The following NUMB variants were observed in gnomAD, a reference collection of about 807,000 sequenced individuals.
NUMB encodes the protein protein numb homolog.
Under a neutral mutation model 59.7 loss-of-function variants are expected in NUMB, and 29 were observed. That is an observed-to-expected ratio of 0.49 (90% CI 0.36 to 0.66). The LOEUF is 0.66. Among genes scored for constraint, NUMB ranks in the 30% least tolerant of loss-of-function variants. The pLI, the probability that NUMB is intolerant of heterozygous loss-of-function variation, is 0.00. For missense variants in NUMB, 723 were observed against 822.0 expected (o/e 0.88, Z 1.47); for synonymous variants, 288 against 288.2 (o/e 1.00, Z 0.01).
At chr14:73,435,207 C>T in intron 1 of NUMB, among the ~76,000 whole-genome samples, 1 of 151,390 alleles carries the variant, frequency 6.6e-6, no homozygotes, top group South Asian at 2.1e-4. Flanking sequence ...TTATAAACTG[C>T]TGATGAAGTA....
Position 73,276,625 on chromosome 14 carries a change from T to G in NUMB, c.1909A>C (p.Asn637His). The G allele has an allele frequency of 6.2e-7, 1 of 1,614,014 alleles. No homozygotes were observed. The highest frequency in any genetic ancestry group is 8.5e-7 in the Non-Finnish European group (1 of 1,179,916). ...TTCTGTAAGTCACTGGAGAAAGGGT[T>G]GGTAGGGGAGGGATTAGTACGCTGC... Reference protein sequence around the residue: ...SKQRTNPSPTNPFSSDLQKTF... With the variant: ...SKQRTNPSPTHPFSSDLQKTF... The change falls in exon 13 of 13, where the codon AAC (asparagine) becomes CAC (histidine). Residue 637 changes from asparagine to histidine, a missense_variant. Asn to His is a moderately conservative substitution (Grantham distance 68). Around this residue, in one of 2 missense-constraint regions of NUMB, gnomAD observed 406 missense variants for 385.4 expected, o/e 1.05. Coordinates refer to ENST00000555238, the MANE Select transcript of NUMB (RefSeq NM_001005743.2).
At chr14:73,391,981 A>G (rs1895878127) in intron 2 of NUMB, among the ~76,000 whole-genome samples, 1 of 152,200 alleles carries the variant, frequency 6.6e-6, no homozygotes. Context: ...TGCAGGGAAC[A>G]TTAACTAAAT....
At chr14:73,313,273 C>T (rs1452208758) in intron 6 of NUMB, among the ~76,000 whole-genome samples, 2 of 151,530 alleles carry the variant, frequency 1.3e-5, no homozygotes, top group Non-Finnish European at 1.5e-5. Flanking sequence ...GGAGCCACCG[C>T]GCCCAGCCAT....
chr14:73,452,493 T>A (rs1036288627), intron 1 of NUMB, among the ~76,000 whole-genome samples: 2 of 152,060 alleles, frequency 1.3e-5, no homozygotes, highest in Admixed American at 6.6e-5. Flanking sequence ...GCATACTCCC[T>A]CCACGTCAAA....
intron 2 of NUMB, among the ~76,000 whole-genome samples, chr14:73,376,898 ATATT>A (rs1481042350): frequency 6.6e-6 from 1 of 152,218 alleles, no homozygotes; most frequent in Non-Finnish European, 1.5e-5. Flanking sequence ...ATAAATAAAA[ATATT>A]TATTTAGTTA....
At chr14:73,350,325 A>G (rs1239925858) in intron 4 of NUMB, among the ~76,000 whole-genome samples, 2 of 150,834 alleles carry the variant, frequency 1.3e-5, no homozygotes, top group Non-Finnish European at 3.0e-5. Flanking sequence ...AGGCATGTAC[A>G]CCATGCCTGG....
intron 1 of NUMB, among the ~76,000 whole-genome samples, chr14:73,421,268 T>C (rs1270685229): frequency 6.6e-6 from 1 of 152,054 alleles, no homozygotes; most frequent in Non-Finnish European, 1.5e-5. Flanking sequence ...CACTGCAACC[T>C]CCACCTCCCG....
intron 4 of NUMB, among the ~76,000 whole-genome samples, chr14:73,344,239 C>T (rs1307355805): frequency 6.6e-6 from 1 of 152,078 alleles, no homozygotes; most frequent in Non-Finnish European, 1.5e-5. Context: ...TCTAATTTGG[C>T]ATAATACTTT....
At chr14:73,280,763 G>A (rs757718042) in intron 11 of NUMB, among the ~76,000 whole-genome samples, 2 of 136,728 alleles carry the variant, frequency 1.5e-5, no homozygotes, top group Non-Finnish European at 3.0e-5. Flanking sequence ...GTGTGATCTC[G>A]GCTCACTGCA....
rs183705119 is a variant in NUMB, at chr14:73,454,220, T to A, written c.-233+4273A>T. 7.3e-3 allele frequency among the ~76,000 whole-genome samples: 1,110 copies of A among 151,534 alleles called. 36 individuals carry two copies. The highest frequency in any genetic ancestry group is 3.4e-3 in the Middle Eastern group (1 of 294). ...CTAAACTAAAAGTTGAATTTTTTTT[T>A]AAAAAAAAAGGAAAAAAATCAGAGT... On this transcript the variant is annotated intron_variant, in intron 1 of 12. Transcript: ENST00000555238.
At chr14:73,415,731 T>A (rs1411478342) in intron 1 of NUMB, among the ~76,000 whole-genome samples, 1 of 151,944 alleles carries the variant, frequency 6.6e-6, no homozygotes, top group Non-Finnish European at 1.5e-5. Context: ...CCTCCCAAAG[T>A]GCTGGGATTA....
At chr14:73,328,438 C>T (rs868413249) in intron 4 of NUMB, among the ~76,000 whole-genome samples, 57 of 152,054 alleles carry the variant, frequency 3.7e-4, no homozygotes, top group African/African-American at 1.3e-3. Context: ...CCATACTATT[C>T]CTTTATAGGT....
At chr14:73,399,183 A>T (rs1896290809) in intron 2 of NUMB, among the ~76,000 whole-genome samples, 1 of 152,220 alleles carries the variant, frequency 6.6e-6, no homozygotes, top group Non-Finnish European at 1.5e-5. Context: ...AACAATATGA[A>T]AATATTTCAA....
At chr14:73,295,133 G>A (rs1029874903) in intron 7 of NUMB, among the ~76,000 whole-genome samples, 8 of 148,808 alleles carry the variant, frequency 5.4e-5, no homozygotes, top group African/African-American at 2.0e-4. Flanking sequence ...AGGTGGGATA[G>A]CAAGGCAATC....
chr14:73,317,297 T>TTTTG (rs58379496), intron 5 of NUMB, among the ~76,000 whole-genome samples: 37,312 of 151,672 alleles, frequency 0.25, 5,386 homozygotes, highest in East Asian at 0.67. Context: ...ATTATTTGGT[T>TTTTG]TTTGTTTGTT....
intron 1 of NUMB, among the ~76,000 whole-genome samples, chr14:73,447,467 G>A (rs965987889): frequency 2.6e-5 from 4 of 151,914 alleles, no homozygotes; most frequent in Admixed American, 6.6e-5. Flanking sequence ...CAGCCCAGGC[G>A]ACAGTGCAAG....
chr14:73,418,998 A>G (rs1271772319), intron 1 of NUMB, among the ~76,000 whole-genome samples: 1 of 152,212 alleles, frequency 6.6e-6, no homozygotes, highest in Non-Finnish European at 1.5e-5. Context: ...TACAGAAGTT[A>G]TAATTTGTAT....
intron 5 of NUMB, 52 bp from the exon 6 acceptor site, chr14:73,316,474 C>T (rs368135699): frequency 1.2e-4 from 189 of 1,548,918 alleles, no homozygotes; most frequent in Non-Finnish European, 1.5e-4. Context: ...GCCTAAATGT[C>T]CCAGAGTTTC....
rs1344847088 is a variant in NUMB at position 73,425,550 on chromosome 14, C to T, written c.-232-15482G>A. 3.3e-5 allele frequency among the ~76,000 whole-genome samples: 5 copies of T among 152,086 alleles called. No homozygotes were observed. The East Asian group carries it at 5.8e-4, about 18-fold the overall frequency. ...TCTCACCCAAGTGCCTCAAAACGTG[C>T]CGTAATTCCCAAACAGATTTACAGA... On this transcript the variant is annotated intron_variant, in intron 1 of 12. Transcript: ENST00000555238.
Sources: gnomAD v4.1 joint callset for allele counts (sites outside exome capture counted in the v4.1 genomes callset) on GRCh38, gnomAD v4.1.1 for gene constraint, gnomAD v4.1.1 regional missense constraint, MANE v1.5 for transcripts, NCBI Gene and HGNC (gene_info 2026-07-23, HGNC 2026-07-21) for gene names.